The following DTNB variants were observed in gnomAD, a reference collection of about 807,000 sequenced individuals.
The protein encoded by DTNB is dystrobrevin beta, also known as DTN-B.
DTNB carries 63 observed loss-of-function variants against 90.7 expected under a neutral mutation model. The observed-to-expected ratio is 0.69, with a 90% CI of 0.57 to 0.86. The LOEUF is 0.86. Ranked by LOEUF, DTNB falls within the 40% of genes least tolerant of loss-of-function variation. The pLI is 0.00. For missense variants in DTNB, 744 were observed against 807.1 expected (o/e 0.92, Z 0.95); for synonymous variants, 277 against 286.7 (o/e 0.97, Z 0.34).
At chr2:25,632,210 A>AG (rs1184144364) in intron 3 of DTNB, among the ~76,000 whole-genome samples, 43 of 151,794 alleles carry the variant, frequency 2.8e-4, no homozygotes, top group African/African-American at 9.9e-4. Context: ...AAAAAAAAAA[A>AG]AAAGAAATTG....
At chr2:25,426,336 T>C (rs1350060759) in intron 15 of DTNB, among the ~76,000 whole-genome samples, 1 of 152,224 alleles carries the variant, frequency 6.6e-6, no homozygotes, top group East Asian at 1.9e-4. Flanking sequence ...ACTGAGGACT[T>C]GGATAGAAGA....
chr2:25,496,898 G>C (rs1456612109), intron 9 of DTNB, among the ~76,000 whole-genome samples: 5 of 151,728 alleles, frequency 3.3e-5, no homozygotes, highest in Non-Finnish European at 5.9e-5. Flanking sequence ...AACTCCCTGG[G>C]AAGTTCTAGG....
intron 10 of DTNB, among the ~76,000 whole-genome samples, chr2:25,480,440 G>A (rs1409559154): frequency 6.6e-6 from 1 of 152,142 alleles, no homozygotes; most frequent in Non-Finnish European, 1.5e-5. Flanking sequence ...AAAATGACAG[G>A]TATCATTTTG....
At chr2:25,616,141 A>G (rs1436051152) in intron 4 of DTNB, among the ~76,000 whole-genome samples, 1 of 152,196 alleles carries the variant, frequency 6.6e-6, no homozygotes, top group East Asian at 1.9e-4. Context: ...TTGCTGCAGA[A>G]AAGAAACTGT....
At chr2:25,398,328 G>C (rs1165450883) in intron 16 of DTNB, among the ~76,000 whole-genome samples, 1 of 152,240 alleles carries the variant, frequency 6.6e-6, no homozygotes, top group Non-Finnish European at 1.5e-5. Flanking sequence ...AAAGAGAAAA[G>C]CTACGACTCC....
intron 9 of DTNB, among the ~76,000 whole-genome samples, chr2:25,530,280 A>T (rs924883760): frequency 1.3e-5 from 2 of 151,826 alleles, no homozygotes; most frequent in Non-Finnish European, 2.9e-5. Context: ...ACTAAAAATT[A>T]AAAAAAATTA....
Position 25,667,509 on chromosome 2 carries a change from G to T in DTNB, c.-2+5877C>A, listed in dbSNP as rs1395836446. Among the ~76,000 whole-genome samples the T allele has an allele frequency of 9.9e-5, 15 of 151,894 alleles. No individual in the cohort carries two copies. The East Asian group carries it at 2.9e-3, about 29-fold the overall frequency. On this transcript the variant is annotated intron_variant, in intron 1 of 20. Transcript: ENST00000406818. Reference sequence around the variant, plus strand: ...GACTCCATCTCAAAAAAAAAAGTCTGTACTTCAAAACACATGAAGAGATAC... The same window carrying T: ...GACTCCATCTCAAAAAAAAAAGTCTTTACTTCAAAACACATGAAGAGATAC...
chr2:25,485,407 T>C (rs2150407399), intron 9 of DTNB, among the ~76,000 whole-genome samples: 1 of 152,336 alleles, frequency 6.6e-6, no homozygotes, highest in South Asian at 2.1e-4. Context: ...TCCTAGAACA[T>C]AAATCCATGC....
At chr2:25,636,837 A>G (rs994114018) in intron 3 of DTNB, among the ~76,000 whole-genome samples, 2 of 151,856 alleles carry the variant, frequency 1.3e-5, no homozygotes, top group African/African-American at 4.8e-5. Context: ...ACAACTCACA[A>G]TGTAAAAAAT....
Position 25,574,384 on chromosome 2 carries a change from G to A in DTNB, c.876+2454C>T, listed in dbSNP as rs1178462599. Among the ~76,000 whole-genome samples the A allele has an allele frequency of 4.6e-5, 7 of 152,080 alleles. 1 individual carries two copies. Among genetic ancestry groups the A allele is most frequent in the Admixed American group, 2.0e-4 (3 of 15,266 alleles). On this transcript the variant is annotated intron_variant, in intron 8 of 20. Transcript: ENST00000406818. ...CATACGGCATTTTCTTTGTAATAAA[G>A]GCAAACAAAATGGACCAAAGACTAA...
chr2:25,414,325 C>T (rs576976313), intron 16 of DTNB, among the ~76,000 whole-genome samples: 4 of 152,172 alleles, frequency 2.6e-5, no homozygotes, highest in African/African-American at 4.8e-5. Flanking sequence ...GGTGCGATCT[C>T]GGCTCACTGT....
Position 25,451,648 on chromosome 2 carries a change from T to G in DTNB, c.1170-13A>C. 1 of 1,564,504 alleles carries G rather than the reference T, an allele frequency of 6.4e-7. No homozygotes were observed. Among genetic ancestry groups the G allele is most frequent in the Non-Finnish European group, 8.7e-7 (1 of 1,152,306 alleles). ...ACTGTCCAGAACACTGCCAAGGAAATAAAAATGCAACAAGTGTCTATTAAA... is the reference window on the plus strand; with the variant it reads ...ACTGTCCAGAACACTGCCAAGGAAAGAAAAATGCAACAAGTGTCTATTAAA... On this transcript the variant is annotated splice_polypyrimidine_tract_variant and intron_variant, in intron 11 of 20. Transcript: ENST00000406818.
chr2:25,643,286 T>C (rs1171337844), intron 2 of DTNB, among the ~76,000 whole-genome samples: 7 of 152,150 alleles, frequency 4.6e-5, no homozygotes, highest in Non-Finnish European at 1.0e-4. Flanking sequence ...ATCCTGGGCA[T>C]GGCTTCTCCC....
intron 16 of DTNB, among the ~76,000 whole-genome samples, chr2:25,391,643 T>C (rs900972436): frequency 1.3e-5 from 2 of 152,158 alleles, no homozygotes; most frequent in Admixed American, 6.6e-5. Flanking sequence ...ATACTGCTGA[T>C]AGAAATGTAA....
intron 8 of DTNB, among the ~76,000 whole-genome samples, chr2:25,562,127 T>C (rs189725696): frequency 1.7e-3 from 265 of 152,352 alleles, no homozygotes; most frequent in Non-Finnish European, 3.3e-3. Flanking sequence ...TTCTGTATAT[T>C]TCATTCTGTC....
chr2:25,643,699 C>T (rs1478538839), intron 2 of DTNB, among the ~76,000 whole-genome samples: 1 of 152,182 alleles, frequency 6.6e-6, no homozygotes, highest in Admixed American at 6.5e-5. Flanking sequence ...GAGGACTCCA[C>T]ACTGCGTTCC....
At chr2:25,610,937 T>A (rs759872767) in intron 4 of DTNB, among the ~76,000 whole-genome samples, 8 of 152,208 alleles carry the variant, frequency 5.3e-5, no homozygotes, top group Non-Finnish European at 7.3e-5. Flanking sequence ...TTAGAACTCC[T>A]GACTTCAGGT....
intron 10 of DTNB, among the ~76,000 whole-genome samples, chr2:25,461,468 C>G (rs2060938012): frequency 6.6e-6 from 1 of 152,040 alleles, no homozygotes; most frequent in Non-Finnish European, 1.5e-5. Context: ...TATATAACCC[C>G]CAACTAACAA....
chr2:25,559,419 TGGA>T (rs1343303157), intron 8 of DTNB, among the ~76,000 whole-genome samples: 8 of 152,316 alleles, frequency 5.3e-5, no homozygotes, highest in South Asian at 2.1e-4. Flanking sequence ...GACCTCCAGG[TGGA>T]GGAGAAGTCC....
Sources: gnomAD v4.1 joint callset for allele counts (sites outside exome capture counted in the v4.1 genomes callset) on GRCh38, gnomAD v4.1.1 for gene constraint, MANE v1.5 for transcripts, NCBI Gene and HGNC (gene_info 2026-07-23, HGNC 2026-07-21) for gene names.